The following FSTL1 variants were observed in gnomAD, a reference collection of about 807,000 sequenced individuals.
The protein encoded by FSTL1 is follistatin-related protein 1.
In FSTL1, 24 loss-of-function variants were observed where a neutral mutation model predicts 45.9. The ratio of observed to expected loss-of-function variants is 0.52; its 90% confidence interval spans 0.38 to 0.74. The LOEUF (loss-of-function observed/expected upper bound fraction) is 0.74. FSTL1 is among the 30% of genes least tolerant of loss of function. The pLI is 0.00. For synonymous variants in FSTL1, 120 were observed against 137.6 expected (o/e 0.87, Z 0.89); for missense variants, 340 against 381.8 (o/e 0.89, Z 0.91).
chr3:120,404,938 T>C lies in FSTL1; in HGVS notation c.496A>G (p.Ser166Gly), dbSNP rs1936919009. 7.5e-6 allele frequency: 12 copies of C among 1,601,400 alleles called. No individual in the cohort carries two copies. Among genetic ancestry groups the C allele is most frequent in the Non-Finnish European group, 1.0e-5 (12 of 1,168,382 alleles). ...TGTTCCACAAACTTCAGGAATTCAC[T>C]GGAGTCCAGGCGAGAATCACCATTA... ...FDNGDSRLDSSEFLKFVEQNE... is the reference protein window; with the variant it reads ...FDNGDSRLDSGEFLKFVEQNE... The change falls in exon 7 of 11, where the codon AGT (serine) becomes GGT (glycine). Residue 166 changes from serine (S) to glycine (G), a missense_variant. Coordinates refer to ENST00000295633, the MANE Select transcript of FSTL1 (RefSeq NM_007085.5).
At chr3:120,400,544 C>T (rs1212179201) in intron 9 of FSTL1, among the ~76,000 whole-genome samples, 2 of 152,202 alleles carry the variant, frequency 1.3e-5, no homozygotes, top group African/African-American at 4.8e-5. Context: ...TGCTCTTTTG[C>T]AAATTCTGAT....
chr3:120,406,613 C>A (rs1218706966), intron 6 of FSTL1, among the ~76,000 whole-genome samples: 1 of 152,204 alleles, frequency 6.6e-6, no homozygotes, highest in East Asian at 1.9e-4. Flanking sequence ...CCAGTTGGGC[C>A]TCCCCAGGCC....
At chr3:120,439,524 C>T (rs874480) in intron 2 of FSTL1, among the ~76,000 whole-genome samples, 91,791 of 152,172 alleles carry the variant, frequency 0.6, 30,325 homozygotes, top group East Asian at 0.8. Context: ...ATGAAATCAA[C>T]TTATAAGATG....
At position 120,408,195 on chromosome 3, in the gene FSTL1, C is replaced by A. The variant is rs151303794; in HGVS notation, c.462+1337G>T. ...TCTTTACATTACTTTCTGTTCCTGTCCAAGTCTCCTGGCTCAGCACTATGA... is the reference window on the plus strand; with the variant it reads ...TCTTTACATTACTTTCTGTTCCTGTACAAGTCTCCTGGCTCAGCACTATGA... On this transcript the variant is annotated intron_variant, in intron 6 of 10. Coordinates refer to ENST00000295633, the MANE Select transcript of FSTL1 (RefSeq NM_007085.5). 7.3e-3 allele frequency among the ~76,000 whole-genome samples: 1,109 copies of A among 152,296 alleles called. 12 individuals are homozygous for A. The highest frequency in any genetic ancestry group is 9.1e-3 in the Non-Finnish European group (618 of 68,022).
intron 2 of FSTL1, among the ~76,000 whole-genome samples, chr3:120,436,113 CA>C (rs2107668859): frequency 1.2e-5 from 1 of 82,268 alleles, no homozygotes; most frequent in South Asian, 5.2e-4. Flanking sequence ...AAAACAACCC[CA>C]ACATGGTTTC....
chr3:120,400,519 C>T lies in FSTL1; in HGVS notation c.806-560G>A, dbSNP rs551795793. On this transcript the variant is annotated intron_variant, in intron 9 of 10. Transcript: ENST00000295633. ...CAGTGATAAACAAAAACAAAAACTA[C>T]ACAGGTTCCCAAGCTGCTCTTTTGC... Among the ~76,000 whole-genome samples, 50 of 152,348 alleles carry T rather than the reference C, an allele frequency of 3.3e-4. 1 individual carries two copies. The South Asian group carries it at 0.01, about 31-fold the overall frequency.
chr3:120,448,336 G>T (rs1484365249), intron 2 of FSTL1, among the ~76,000 whole-genome samples: 1 of 152,122 alleles, frequency 6.6e-6, no homozygotes, highest in African/African-American at 2.4e-5. Flanking sequence ...AGTTAACAAG[G>T]AAGAAATTTA....
chr3:120,438,491 T>G (rs1282072463), intron 2 of FSTL1: 1 of 152,262 alleles, frequency 6.6e-6, no homozygotes, highest in Non-Finnish European at 1.5e-5. Flanking sequence ...GGACACAAGA[T>G]GCCTCCTGTT....
chr3:120,422,809 C>G (rs749978131), intron 2 of FSTL1, among the ~76,000 whole-genome samples: 1 of 152,132 alleles, frequency 6.6e-6, no homozygotes, highest in Non-Finnish European at 1.5e-5. Flanking sequence ...ATTCTCCTGC[C>G]TCAGCCTTCC....
At chr3:120,446,767 G>A (rs1259338) in intron 2 of FSTL1, among the ~76,000 whole-genome samples, 91,681 of 151,960 alleles carry the variant, frequency 0.6, 30,284 homozygotes, top group East Asian at 0.8. Flanking sequence ...AATAGGGTAC[G>A]GTGAGGTTAA....
intron 2 of FSTL1, chr3:120,419,035 C>G (rs1221381439): frequency 6.6e-6 from 1 of 152,340 alleles, no homozygotes; most frequent in African/African-American, 2.4e-5. Context: ...AAGGGGGGAG[C>G]CACTAGTTAC....
In FSTL1 at chr3:120,394,837, T is replaced by C. The variant is rs949677478; in HGVS notation, c.*2115A>G. ...CAGAAGCTGCAGAACTCAAGAGGAA[T>C]GTGGATTTGCTCTTGGGAGTTCAAT... On this transcript the variant is annotated 3_prime_UTR_variant, in exon 11 of 11. Coordinates refer to ENST00000295633, the MANE Select transcript of FSTL1 (RefSeq NM_007085.5). 3.9e-5 allele frequency: 6 copies of C among 152,228 alleles called. No homozygotes were observed. The highest frequency in any genetic ancestry group is 1.4e-4 in the African/African-American group (6 of 41,452). The allele number at this position is 152,228 out of a possible 1,614,324, so 9.4% of individuals were successfully genotyped here.
At chr3:120,407,511 A>C (rs775177982) in intron 6 of FSTL1, among the ~76,000 whole-genome samples, 2 of 152,210 alleles carry the variant, frequency 1.3e-5, no homozygotes, top group Non-Finnish European at 2.9e-5. Flanking sequence ...GTTATGGTGA[A>C]AGTCAGATTT....
rs1559736340 is a variant in FSTL1 at position 120,410,987 on chromosome 3, G to A, written c.299-3C>T. On this transcript the variant is annotated splice_polypyrimidine_tract_variant and splice_region_variant and intron_variant, in intron 4 of 10. Coordinates refer to ENST00000295633, the MANE Select transcript of FSTL1 (RefSeq NM_007085.5). ...AGATGGACTTACGGATTTCTTCTCTGCAAGACAAAAAGAGAAAACGTGTAA... is the reference window on the plus strand; with the variant it reads ...AGATGGACTTACGGATTTCTTCTCTACAAGACAAAAAGAGAAAACGTGTAA... 1.9e-6 allele frequency: 3 copies of A among 1,602,820 alleles called. No homozygotes were observed. The highest frequency in any genetic ancestry group is 2.6e-6 in the Non-Finnish European group (3 of 1,173,290).
At chr3:120,399,345 G>A (rs1256196194) in intron 10 of FSTL1, among the ~76,000 whole-genome samples, 2 of 152,152 alleles carry the variant, frequency 1.3e-5, no homozygotes, top group Non-Finnish European at 2.9e-5. Flanking sequence ...TTGAGTCTCT[G>A]GGAAGGAGAC....
chr3:120,434,503 T>C (rs1937521094), intron 2 of FSTL1, among the ~76,000 whole-genome samples: 1 of 152,226 alleles, frequency 6.6e-6, no homozygotes, highest in Non-Finnish European at 1.5e-5. Context: ...GGGAAGTCTG[T>C]CCATGGAACA....
chr3:120,436,416 T>C (rs1012519802), intron 2 of FSTL1, among the ~76,000 whole-genome samples: 2 of 152,228 alleles, frequency 1.3e-5, no homozygotes, highest in African/African-American at 4.8e-5. Flanking sequence ...AAACCCAAAA[T>C]GGACTCACAC....
Position 120,450,826 on chromosome 3 carries a change from T to C in FSTL1, c.-1+71A>G, listed in dbSNP as rs527655416. 144 of 1,054,138 alleles carry C rather than the reference T, an allele frequency of 1.4e-4. 2 individuals are homozygous for C. In the South Asian group the frequency reaches 1.9e-3, roughly 14 times the overall value. The allele number at this position is 1,054,138 out of a possible 1,614,324, so 65.3% of individuals were successfully genotyped here. The stretch of plus-strand genomic sequence containing the variant: ...GGAAACTTGCTCGGGTCCCGCAGGC[T>C]CGCTCCGGCCGCCCAAGCACCCCCG... On this transcript the variant is annotated intron_variant, in intron 1 of 10. Coordinates refer to ENST00000295633, the MANE Select transcript of FSTL1 (RefSeq NM_007085.5).
Position 120,396,618 on chromosome 3 carries a change from T to G in FSTL1, c.*334A>C. 1.2e-5 allele frequency: 3 copies of G among 256,568 alleles called. No homozygotes were observed. In the South Asian group the frequency reaches 2.0e-4, roughly 17 times the overall value. 15.9% of individuals were successfully genotyped at this position (256,568 alleles called of 1,614,324 possible). ...TCTCTCTGGCATCGTGTGCACTCCC[T>G]GCAGCCTGCTGACAGATGCAGTAAA... On this transcript the variant is annotated 3_prime_UTR_variant, in exon 11 of 11. Transcript: ENST00000295633.
Sources: gnomAD v4.1 joint callset for allele counts (sites outside exome capture counted in the v4.1 genomes callset) on GRCh38, gnomAD v4.1.1 for gene constraint, MANE v1.5 for transcripts, NCBI Gene and HGNC (gene_info 2026-07-23, HGNC 2026-07-21) for gene names.